COL5A1: variants seen among roughly 807,000 people sequenced by gnomAD.
COL5A1 encodes the protein collagen alpha-1(V) chain.
COL5A1 carries 16 observed loss-of-function variants against 263.7 expected under a neutral mutation model. The observed-to-expected ratio is 0.06, with a 90% CI of 0.04 to 0.09. The LOEUF is 0.09. Ranked by LOEUF, COL5A1 falls within the 10% of genes least tolerant of loss-of-function variation. The probability of loss-of-function intolerance (pLI) is 1.00; values close to 1 mark genes in which losing one functional copy is unlikely to be tolerated. For synonymous variants in COL5A1, 1,012 were observed against 1,004.5 expected, an observed-to-expected ratio of 1.01 and a Z score of -0.14; for missense variants, 2,036 against 2,540.5, an observed-to-expected ratio of 0.80 and a Z score of 4.27.
intron 7 of COL5A1, 143 bp downstream of exon 7, chr9:134,730,618 C>T (rs2132640066): frequency 8.6e-7 from 1 of 1,164,150 alleles, no homozygotes; most frequent in South Asian, 1.3e-5. Flanking sequence ...CACCCTGGCC[C>T]TGGGCCCTTT....
intron 1 of COL5A1, among the ~76,000 whole-genome samples, chr9:134,660,872 C>G (rs1832181627): frequency 6.6e-6 from 1 of 152,172 alleles, no homozygotes; most frequent in South Asian, 2.1e-4. Context: ...CTGTGAGGTG[C>G]TCAGTGAATG....
chr9:134,760,619 ACACCCACACACCCCCACACT>A, intron 18 of COL5A1, among the ~76,000 whole-genome samples: 1 of 110,726 alleles, frequency 9.0e-6, no homozygotes, highest in South Asian at 3.3e-4. Flanking sequence ...GCACACACAC[ACACCCACACACCCCCACACT>A]CATACACTCA....
chr9:134,705,956 C>A (rs531457059), intron 4 of COL5A1, among the ~76,000 whole-genome samples: 1 of 152,224 alleles, frequency 6.6e-6, no homozygotes, highest in Non-Finnish European at 1.5e-5. Flanking sequence ...TGCTCCGGGG[C>A]GCCTCCTGCC....
intron 27 of COL5A1, among the ~76,000 whole-genome samples, chr9:134,778,062 T>C (rs11103523): frequency 0.16 from 23,929 of 152,098 alleles, 2,142 homozygotes; most frequent in African/African-American, 0.24. Context: ...AAGCCCTTCT[T>C]GGTGGGGTTC....
intron 11 of COL5A1, among the ~76,000 whole-genome samples, chr9:134,739,295 C>T (rs561261058): frequency 1.3e-5 from 2 of 152,298 alleles, no homozygotes; most frequent in South Asian, 2.1e-4. Context: ...CCCTGGCTGC[C>T]GCGATTTCCT....
chr9:134,738,392 T>C lies in COL5A1; in HGVS notation c.1390-82T>C. 4 of 1,524,200 alleles carry C rather than the reference T, an allele frequency of 2.6e-6. No individual in the cohort carries two copies. The South Asian group carries it at 3.4e-5, about 13-fold the overall frequency. The allele number at this position is 1,524,200 out of a possible 1,614,324, so 94.4% of individuals were successfully genotyped here. A position where few individuals can be genotyped will look rare whatever the true frequency, so the allele number is the denominator to read the frequency against. On this transcript the variant is annotated intron_variant, in intron 9 of 65. Transcript: ENST00000371817. ...AGCCAGGGCCTCTTGTGCATGCAGC[T>C]GAAGGCCGTCCACACCACTGGGGTC...
At position 134,765,597 on chromosome 9, in the gene COL5A1, C is replaced by T. The variant is rs1836631939; in HGVS notation, c.2035-84C>T. On this transcript the variant is annotated intron_variant, in intron 20 of 65. Transcript: ENST00000371817. The surrounding 1 kb of genome is among the most constrained non-coding windows in gnomAD (Gnocchi z 5.1). ...CACCAGCTGGGGTTCTGGGTGGAGT[C>T]AGGGCCAAGTGGGCATAGGGGACAG... The T allele has an allele frequency of 3.1e-6, 4 of 1,281,974 alleles. No individual in the cohort carries two copies. In the Admixed American group the frequency reaches 5.1e-5, roughly 16 times the overall value. 79.4% of individuals were successfully genotyped at this position (1,281,974 alleles called of 1,614,324 possible). A position where few individuals can be genotyped will look rare whatever the true frequency, so the allele number is the denominator to read the frequency against.
intron 37 of COL5A1, among the ~76,000 whole-genome samples, chr9:134,799,939 G>A (rs998647612): frequency 6.6e-6 from 1 of 152,106 alleles, no homozygotes; most frequent in African/African-American, 2.4e-5. Context: ...ATGTACTTCC[G>A]GCTGCCTTCT....
intron 4 of COL5A1, among the ~76,000 whole-genome samples, chr9:134,720,302 G>A (rs995108198): frequency 6.6e-6 from 1 of 152,198 alleles, no homozygotes; most frequent in Non-Finnish European, 1.5e-5. Context: ...AGCCCAAGCA[G>A]GGGCTGCCCA....
intron 18 of COL5A1, among the ~76,000 whole-genome samples, chr9:134,760,005 CAT>C (rs142216038): frequency 0.051 from 5,638 of 110,070 alleles, 523 homozygotes; most frequent in African/African-American, 0.14. Flanking sequence ...ACCCCACACT[CAT>C]ACACACATGC....
At position 134,832,537 on chromosome 9, in the gene COL5A1, G is replaced by A. The variant is rs1327572898; in HGVS notation, c.5137-2434G>A. Among the ~76,000 whole-genome samples, 7 of 152,342 alleles carry A rather than the reference G, an allele frequency of 4.6e-5. No homozygotes were observed. The East Asian group carries it at 1.3e-3, about 29-fold the overall frequency. On this transcript the variant is annotated intron_variant, in intron 64 of 65. Coordinates refer to ENST00000371817, the MANE Select transcript of COL5A1 (RefSeq NM_000093.5). ...AGCAGGGCCTCACTGTGGGACCCTG[G>A]GGTTCCAATGCAGGGCAGCGTGCCC... is the stretch of plus-strand genomic sequence containing the variant.
chr9:134,760,579 C>T (rs1452517651), intron 18 of COL5A1, among the ~76,000 whole-genome samples: 26 of 130,454 alleles, frequency 2.0e-4, no homozygotes, highest in Non-Finnish European at 3.3e-4. Flanking sequence ...CACACCCCCA[C>T]ACTCAGACAC....
intron 64 of COL5A1, among the ~76,000 whole-genome samples, chr9:134,831,249 G>A (rs1839609659): frequency 6.6e-6 from 1 of 152,208 alleles, no homozygotes; most frequent in Non-Finnish European, 1.5e-5. Context: ...GGCATTCACA[G>A]CTGATTATTC....
chr9:134,819,148 T>G (rs556117716), intron 57 of COL5A1, 95 bp downstream of exon 57: 1 of 1,325,330 alleles, frequency 7.5e-7, no homozygotes, highest in Non-Finnish European at 1.1e-6. Context: ...ATCCGTCACC[T>G]AAATGTGTCA....
rs1007963817 is a variant in COL5A1, at chr9:134,642,042, G to T, written c.-146G>T. The T allele has an allele frequency of 1.5e-6, 1 of 688,602 alleles. No individual in the cohort carries two copies. Among genetic ancestry groups the T allele is most frequent in the Non-Finnish European group, 2.0e-6 (1 of 492,248 alleles). The allele number at this position is 688,602 out of a possible 1,614,324, so 42.7% of individuals were successfully genotyped here. ...CTTCCAGAACAGCCGCCGCCACAAAGAAGAACGGGGGGTGCCGAGGTCCCC... is the reference window on the plus strand; with the variant it reads ...CTTCCAGAACAGCCGCCGCCACAAATAAGAACGGGGGGTGCCGAGGTCCCC... On this transcript the variant is annotated 5_prime_UTR_variant, in exon 1 of 66. Coordinates refer to ENST00000371817, the MANE Select transcript of COL5A1 (RefSeq NM_000093.5). This position sits in a 1 kb window ranked among gnomAD's most constrained non-coding sequence, Gnocchi z 4.5.
chr9:134,808,185 G>A (rs146906988), intron 42 of COL5A1, among the ~76,000 whole-genome samples: 29 of 152,270 alleles, frequency 1.9e-4, no homozygotes, highest in East Asian at 5.8e-4. Flanking sequence ...ACTAAATCCC[G>A]GCTACATTTA....
intron 58 of COL5A1, among the ~76,000 whole-genome samples, chr9:134,820,533 G>A (rs769079231): frequency 3.2e-4 from 49 of 152,198 alleles, no homozygotes; most frequent in Non-Finnish European, 6.3e-4. Context: ...TCCCAGCCCT[G>A]TGGGAGAGCC....
intron 4 of COL5A1, among the ~76,000 whole-genome samples, chr9:134,717,585 C>A (rs546302845): frequency 6.6e-6 from 1 of 152,292 alleles, no homozygotes; most frequent in Admixed American, 6.5e-5. Context: ...AGCTGGGCTG[C>A]GTTTTGTATG....
rs1375844239 is a variant in COL5A1 at position 134,765,350 on chromosome 9, T to C, written c.2035-331T>C. Among the ~76,000 whole-genome samples the C allele has an allele frequency of 6.6e-6, 1 of 151,612 alleles. No homozygotes were observed. Among genetic ancestry groups the C allele is most frequent in the Non-Finnish European group, 1.5e-5 (1 of 67,694 alleles). On this transcript the variant is annotated intron_variant, in intron 20 of 65. Coordinates refer to ENST00000371817, the MANE Select transcript of COL5A1 (RefSeq NM_000093.5). The surrounding 1 kb of genome is among the most constrained non-coding windows in gnomAD (Gnocchi z 5.1). ...GTGGAATGTTATAGCGTGGTGATTCTCTGGGGGAGCGTCTGCTCACCTGCC... is the reference window on the plus strand; with the variant it reads ...GTGGAATGTTATAGCGTGGTGATTCCCTGGGGGAGCGTCTGCTCACCTGCC...
Sources: gnomAD v4.1 joint callset for allele counts (sites outside exome capture counted in the v4.1 genomes callset) on GRCh38, gnomAD v4.1.1 for gene constraint, Gnocchi (gnomAD v3.1) non-coding constraint, MANE v1.5 for transcripts, NCBI Gene and HGNC (gene_info 2026-07-23, HGNC 2026-07-21) for gene names.